The following RALGAPA1 variants were observed in gnomAD, a reference collection of about 807,000 sequenced individuals.
The protein encoded by RALGAPA1 is Ral GTPase activating protein catalytic subunit alpha 1.
A neutral mutation model predicts 269.6 loss-of-function variants in RALGAPA1; 52 were observed. That is an observed-to-expected ratio of 0.19 (90% CI 0.15 to 0.24). The LOEUF (loss-of-function observed/expected upper bound fraction) is 0.24. Among genes scored for constraint, RALGAPA1 ranks in the 10% least tolerant of loss-of-function variants. The pLI is 1.00. For missense variants in RALGAPA1, 1,917 were observed against 3,013.9 expected (o/e 0.64, Z 8.52); for synonymous variants, 817 against 1,008.3 (o/e 0.81, Z 3.60).
At chr14:35,737,885 C>T (rs936666798) in intron 12 of RALGAPA1, among the ~76,000 whole-genome samples, 6 of 146,366 alleles carry the variant, frequency 4.1e-5, no homozygotes, top group African/African-American at 1.5e-4. Context: ...TCAGGAGGTT[C>T]GAGACCAACC....
At chr14:35,666,343 C>A (rs1442559430) in intron 26 of RALGAPA1, among the ~76,000 whole-genome samples, 2 of 152,062 alleles carry the variant, frequency 1.3e-5, no homozygotes, top group Non-Finnish European at 2.9e-5. Flanking sequence ...CTGTTCAAGC[C>A]CCTTAATGTC....
chr14:35,636,322 G>A (rs1358594883), intron 31 of RALGAPA1, among the ~76,000 whole-genome samples: 2 of 152,096 alleles, frequency 1.3e-5, no homozygotes, highest in Non-Finnish European at 2.9e-5. Flanking sequence ...CCATGAAACT[G>A]ACAATGAAAT....
rs546180645 is a variant in RALGAPA1, at chr14:35,562,803, C to T, written c.7496+7814G>A. Among the ~76,000 whole-genome samples, 294 of 151,980 alleles carry T rather than the reference C, an allele frequency of 1.9e-3. 1 individual carries two copies. The highest frequency in any genetic ancestry group is 6.8e-3 in the African/African-American group (280 of 41,466). On this transcript the variant is annotated intron_variant, in intron 39 of 41. Coordinates refer to ENST00000680220, the MANE Select transcript of RALGAPA1 (RefSeq NM_001346249.2). ...TTGGGAGGCTGAGGTGGGCGGATCACGAGTTCAGGAGATCGAGACCATCCT... is the reference window on the plus strand; with the variant it reads ...TTGGGAGGCTGAGGTGGGCGGATCATGAGTTCAGGAGATCGAGACCATCCT...
chr14:35,630,090 A>G (rs2061262812), intron 33 of RALGAPA1, among the ~76,000 whole-genome samples: 1 of 152,184 alleles, frequency 6.6e-6, no homozygotes, highest in Non-Finnish European at 1.5e-5. Flanking sequence ...CAGAACCAAT[A>G]CCACTGGGTA....
At chr14:35,580,575 TCTG>T (rs2057890669) in intron 37 of RALGAPA1, among the ~76,000 whole-genome samples, 1 of 152,198 alleles carries the variant, frequency 6.6e-6, no homozygotes, top group South Asian at 2.1e-4. Flanking sequence ...TTGTAAATAT[TCTG>T]CTGCTACTGT....
chr14:35,651,931 C>A, intron 30 of RALGAPA1, 58 bp from the exon 31 acceptor site: 1 of 1,403,262 alleles, frequency 7.1e-7, no homozygotes, highest in African/African-American at 1.5e-5. Context: ...AATGGTACAT[C>A]CTAAAACTTG....
At chr14:35,643,749 G>A (rs1465842931) in intron 31 of RALGAPA1, among the ~76,000 whole-genome samples, 1 of 117,158 alleles carries the variant, frequency 8.5e-6, no homozygotes, top group African/African-American at 4.7e-5. Context: ...AGATGGAACT[G>A]GAAGTCATTA....
intron 37 of RALGAPA1, among the ~76,000 whole-genome samples, chr14:35,584,718 TCAATTAAA>T (rs149864484): frequency 0.11 from 16,884 of 151,964 alleles, 1,477 homozygotes; most frequent in East Asian, 0.31. Context: ...TATAAAATGC[TCAATTAAA>T]ACCAGAAAAG....
chr14:35,710,027 AT>A (rs1057165569), intron 16 of RALGAPA1, among the ~76,000 whole-genome samples: 6 of 152,304 alleles, frequency 3.9e-5, no homozygotes, highest in African/African-American at 1.2e-4. Flanking sequence ...CAATTTACAG[AT>A]GTCATAATTA....
rs571615265 is a variant in RALGAPA1, at chr14:35,749,892, A to C, written c.1011+590T>G. 2.0e-3 allele frequency among the ~76,000 whole-genome samples: 301 copies of C among 152,312 alleles called. 1 individual carries two copies. Among genetic ancestry groups the C allele is most frequent in the Non-Finnish European group, 3.0e-3 (202 of 68,022 alleles). ...TAAGAAAATCTGAGGAGAGGAAAAT[A>C]AAAGTAGTAAAAATACTGTAATATA... On this transcript the variant is annotated intron_variant, in intron 9 of 41. Coordinates refer to ENST00000680220, the MANE Select transcript of RALGAPA1 (RefSeq NM_001346249.2).
chr14:35,579,489 T>A (rs1342403892), intron 37 of RALGAPA1, among the ~76,000 whole-genome samples: 2 of 151,272 alleles, frequency 1.3e-5, no homozygotes, highest in South Asian at 4.2e-4. Context: ...ACGCCTGTAG[T>A]CCCAGCTACT....
At chr14:35,766,540 C>T in intron 4 of RALGAPA1, 2 of 997,048 alleles carry the variant, frequency 2.0e-6, no homozygotes, top group Non-Finnish European at 3.2e-6. Context: ...TCAGAAGCAG[C>T]ATCGAGTATA....
chr14:35,717,398 C>T (rs149168276), intron 16 of RALGAPA1, among the ~76,000 whole-genome samples: 3,391 of 152,304 alleles, frequency 0.022, 122 homozygotes, highest in South Asian at 0.14. Context: ...GATCCGCCCG[C>T]CTCGGCCTCC....
intron 1 of RALGAPA1, among the ~76,000 whole-genome samples, chr14:35,790,893 A>G (rs1332145985): frequency 6.6e-6 from 1 of 152,206 alleles, no homozygotes; most frequent in Non-Finnish European, 1.5e-5. Context: ...GTAGTTATTT[A>G]AGTATATCAA....
At chr14:35,789,198 G>A (rs951691129) in intron 1 of RALGAPA1, among the ~76,000 whole-genome samples, 1 of 151,998 alleles carries the variant, frequency 6.6e-6, no homozygotes, top group Non-Finnish European at 1.5e-5. Context: ...GAAGCTTTCA[G>A]ATATAAGGGT....
At chr14:35,768,216 G>A (rs1348260640) in intron 4 of RALGAPA1, among the ~76,000 whole-genome samples, 2 of 152,088 alleles carry the variant, frequency 1.3e-5, no homozygotes, top group African/African-American at 2.4e-5. Flanking sequence ...GGGACTACAG[G>A]CACATACCAA....
At chr14:35,698,560 G>A (rs1251977576) in intron 17 of RALGAPA1, among the ~76,000 whole-genome samples, 2 of 151,852 alleles carry the variant, frequency 1.3e-5, no homozygotes, top group African/African-American at 2.4e-5. Context: ...TTCTGTACTC[G>A]ATATAAATAA....
chr14:35,558,951 C>A (rs770413721), intron 39 of RALGAPA1, among the ~76,000 whole-genome samples: 10 of 152,164 alleles, frequency 6.6e-5, no homozygotes, highest in Non-Finnish European at 1.3e-4. Flanking sequence ...CATATGCCAA[C>A]CCTGATGGCC....
chr14:35,784,181 T>C (rs2075647339), intron 1 of RALGAPA1, among the ~76,000 whole-genome samples: 1 of 151,352 alleles, frequency 6.6e-6, no homozygotes, highest in Non-Finnish European at 1.5e-5. Context: ...ATGTTTATAA[T>C]GTTATTATTC....
Sources: allele counts gnomAD v4.1 joint callset (sites outside exome capture counted in the v4.1 genomes callset), GRCh38; gene constraint gnomAD v4.1.1; transcripts MANE v1.5; gene names NCBI Gene and HGNC (gene_info 2026-07-23, HGNC 2026-07-21).